Variants in NFATC3 observed in about 807,000 individuals in gnomAD.
The protein encoded by NFATC3 is nuclear factor of activated T-cells, cytoplasmic 3.
NFATC3 carries 46 observed loss-of-function variants against 98.6 expected under a neutral mutation model. The ratio of observed to expected loss-of-function variants is 0.47; its 90% CI spans 0.37 to 0.60. The LOEUF (loss-of-function observed/expected upper bound fraction) is 0.60. Ranked by LOEUF, NFATC3 falls within the 20% of genes least tolerant of loss-of-function variation. NFATC3 has a pLI of 0.00. For synonymous variants in NFATC3, 512 were observed against 472.2 expected (o/e 1.08, Z -1.09); for missense variants, 1,256 against 1,295.5 (o/e 0.97, Z 0.47).
chr16:68,213,798 C>T (rs1225928254), intron 9 of NFATC3, among the ~76,000 whole-genome samples: 1 of 152,156 alleles, frequency 6.6e-6, no homozygotes, highest in Non-Finnish European at 1.5e-5. Context: ...CACTGCACTC[C>T]AGCCTGGGTG....
At chr16:68,126,695 G>A (rs1232438200) in intron 3 of NFATC3, 85 bp downstream of exon 3, 10 of 1,363,678 alleles carry the variant, frequency 7.3e-6, no homozygotes, top group African/African-American at 1.4e-5. Flanking sequence ...ACTAGAGAGT[G>A]CAAAGAGCAT....
At chr16:68,125,740 T>C (rs2036802751) in intron 2 of NFATC3, among the ~76,000 whole-genome samples, 1 of 152,186 alleles carries the variant, frequency 6.6e-6, no homozygotes, top group African/African-American at 2.4e-5. Flanking sequence ...TTTAAAAAAA[T>C]CAAATTATTA....
chr16:68,098,747 T>G (rs2035179658), intron 1 of NFATC3, among the ~76,000 whole-genome samples: 1 of 152,248 alleles, frequency 6.6e-6, no homozygotes, highest in Admixed American at 6.5e-5. Context: ...AGGTGTGTAG[T>G]GTTATCTTCT....
At chr16:68,105,740 T>C (rs761109846) in intron 1 of NFATC3, among the ~76,000 whole-genome samples, 6 of 152,202 alleles carry the variant, frequency 3.9e-5, no homozygotes, top group Non-Finnish European at 7.3e-5. Context: ...GAATTTTGAC[T>C]ATGATTCAAT....
intron 8 of NFATC3, among the ~76,000 whole-genome samples, chr16:68,188,287 G>C (rs984241602): frequency 6.6e-6 from 1 of 152,202 alleles, no homozygotes; most frequent in Non-Finnish European, 1.5e-5. Flanking sequence ...GCCATCGTTT[G>C]AGTGGCTGTA....
intron 1 of NFATC3, among the ~76,000 whole-genome samples, chr16:68,113,733 C>T (rs932274888): frequency 2.0e-5 from 3 of 152,208 alleles, no homozygotes; most frequent in Admixed American, 1.3e-4. Flanking sequence ...AGGCTCCTTC[C>T]CAGGGATATC....
At chr16:68,194,986 C>T (rs541078667) in intron 9 of NFATC3, among the ~76,000 whole-genome samples, 2 of 152,112 alleles carry the variant, frequency 1.3e-5, no homozygotes, top group Admixed American at 6.6e-5. Flanking sequence ...GGTGCCGTGG[C>T]TCATGCCTAT....
intron 3 of NFATC3, among the ~76,000 whole-genome samples, chr16:68,153,418 T>C (rs1253044869): frequency 6.6e-6 from 1 of 151,890 alleles, no homozygotes; most frequent in Non-Finnish European, 1.5e-5. Context: ...TGAGACTCCA[T>C]CCCCCAAAAA....
intron 1 of NFATC3, chr16:68,086,592 T>C (rs916633387): frequency 2.1e-6 from 2 of 969,806 alleles, no homozygotes; most frequent in African/African-American, 3.5e-5. Context: ...GTGACCTGGT[T>C]TGGAATACTG....
chr16:68,115,024 C>T (rs940160495), intron 1 of NFATC3, among the ~76,000 whole-genome samples: 17 of 151,938 alleles, frequency 1.1e-4, no homozygotes, highest in African/African-American at 2.4e-4. Context: ...GTGGTTTCTC[C>T]GGTGAAACAC....
In NFATC3 at chr16:68,121,975, TCC is replaced by T. The variant is rs1214037336; in HGVS notation, c.104-11_104-10del. 2 of 1,533,552 alleles carry T rather than the reference TCC, an allele frequency of 1.3e-6. No homozygotes were observed. The highest frequency in any genetic ancestry group is 1.7e-6 in the Non-Finnish European group (2 of 1,145,618). 95.0% of individuals were successfully genotyped at this position (1,533,552 alleles called of 1,614,324 possible). ...TTGTTGGGTTTTTTTTTTTTTGCCT[TCC>T]TCCCCGTAGATCTTGAGCCAGATGA... On this transcript the variant is annotated splice_polypyrimidine_tract_variant and intron_variant, in intron 1 of 9. Transcript: ENST00000346183.
intron 4 of NFATC3, among the ~76,000 whole-genome samples, chr16:68,158,594 C>T (rs1361417173): frequency 1.3e-5 from 2 of 152,078 alleles, no homozygotes; most frequent in Non-Finnish European, 2.9e-5. Flanking sequence ...ATCACATAAA[C>T]GAAATATACA....
chr16:68,174,546 C>G, intron 6 of NFATC3, 32 bp downstream of exon 6: 1 of 1,505,196 alleles, frequency 6.6e-7, no homozygotes, highest in Non-Finnish European at 8.9e-7. Flanking sequence ...TGACTTCAAA[C>G]TAAGGGGCAA....
intron 1 of NFATC3, among the ~76,000 whole-genome samples, chr16:68,119,821 G>T (rs1420801649): frequency 6.6e-6 from 1 of 151,970 alleles, no homozygotes; most frequent in Non-Finnish European, 1.5e-5. Context: ...TGTTTACCAT[G>T]GTGTTTTTAG....
chr16:68,204,234 C>T (rs180897533), intron 9 of NFATC3, among the ~76,000 whole-genome samples: 5 of 151,236 alleles, frequency 3.3e-5, no homozygotes, highest in Admixed American at 2.6e-4. Context: ...TGGTGGTGAA[C>T]GCCTGTAATT....
At chr16:68,196,280 C>G (rs1399199853) in intron 9 of NFATC3, among the ~76,000 whole-genome samples, 1 of 152,002 alleles carries the variant, frequency 6.6e-6, no homozygotes, top group Admixed American at 6.6e-5. Context: ...CCACCACGCC[C>G]AGCTAATTTT....
chr16:68,100,994 A>C (rs1331518797), intron 1 of NFATC3, among the ~76,000 whole-genome samples: 2 of 151,636 alleles, frequency 1.3e-5, no homozygotes, highest in East Asian at 3.9e-4. Flanking sequence ...TTTGTTTTTT[A>C]ATTCTATTAA....
chr16:68,188,711 A>G (rs1045773724), intron 8 of NFATC3, among the ~76,000 whole-genome samples: 5 of 152,104 alleles, frequency 3.3e-5, no homozygotes. Flanking sequence ...GGGTTTTTAA[A>G]TTTTATTTTT....
At position 68,191,009 on chromosome 16, in the gene NFATC3, G is replaced by A; in HGVS notation, c.2340G>A (p.Met780Ile). 1.2e-6 allele frequency: 2 copies of A among 1,614,230 alleles called. No homozygotes were observed. Among genetic ancestry groups the A allele is most frequent in the Non-Finnish European group, 1.7e-6 (2 of 1,180,046 alleles). Residue 780 changes from methionine (M) to isoleucine (I), a missense_variant, in exon 9 of 10, where the codon ATG (methionine) becomes ATA (isoleucine). Transcript: ENST00000346183. ...RDESVSKEQHMIPSPIVHQPF... is the reference protein window; with the variant it reads ...RDESVSKEQHIIPSPIVHQPF... ...AGAGTGTTAGTAAAGAACAGCATAT[G>A]ATTCCTTCTCCAATTGTACACCAGC...
Sources: gnomAD v4.1 joint callset for allele counts (sites outside exome capture counted in the v4.1 genomes callset) on GRCh38, gnomAD v4.1.1 for gene constraint, MANE v1.5 for transcripts, NCBI Gene and HGNC (gene_info 2026-07-23, HGNC 2026-07-21) for gene names.